Variants in ARHGAP39 observed in about 807,000 individuals in gnomAD.
The protein encoded by ARHGAP39 is Rho GTPase activating protein 39.
ARHGAP39 carries 44 observed loss-of-function variants against 106.9 expected under a neutral mutation model. The observed-to-expected ratio is 0.41, with a 90% CI of 0.32 to 0.53. The LOEUF (loss-of-function observed/expected upper bound fraction) is 0.53. Among genes scored for constraint, ARHGAP39 ranks in the 20% least tolerant of loss-of-function variants. The pLI, the probability that ARHGAP39 is intolerant of heterozygous loss-of-function variation, is 0.21. For missense variants in ARHGAP39, 1,496 were observed against 1,577.3 expected, an observed-to-expected ratio of 0.95 and a Z score of 0.87; for synonymous variants, 768 against 693.2, an observed-to-expected ratio of 1.11 and a Z score of -1.69.
intron 2 of ARHGAP39, among the ~76,000 whole-genome samples, chr8:144,587,733 C>T (rs1250188924): frequency 1.3e-5 from 2 of 151,146 alleles, no homozygotes; most frequent in South Asian, 2.1e-4. Flanking sequence ...CGGCTCGCTG[C>T]GACTTCTGCC....
upstream of ARHGAP39, among the ~76,000 whole-genome samples, chr8:144,688,609 G>A (rs539755515): frequency 3.3e-5 from 5 of 152,268 alleles, no homozygotes; most frequent in South Asian, 4.1e-4. Flanking sequence ...TTAGCCAGGC[G>A]TAGTCAAGAG....
At chr8:144,626,695 C>T (rs981822045) in intron 1 of ARHGAP39, among the ~76,000 whole-genome samples, 3 of 152,250 alleles carry the variant, frequency 2.0e-5, no homozygotes, top group East Asian at 3.8e-4. Flanking sequence ...GACCTCCCCA[C>T]GTACAAGGTG....
At chr8:144,691,151 G>C in the ARHGAP39 span, among the ~76,000 whole-genome samples, 1 of 152,100 alleles carries the variant, frequency 6.6e-6, no homozygotes, top group Non-Finnish European at 1.5e-5. Flanking sequence ...CTTGGCTCAG[G>C]ACACTTCCTC....
intron 4 of ARHGAP39, among the ~76,000 whole-genome samples, chr8:144,555,084 G>A (rs1013453477): frequency 3.9e-5 from 6 of 152,192 alleles, no homozygotes; most frequent in South Asian, 2.1e-4. Flanking sequence ...CGTCCTGCCC[G>A]CCCAGCGTGA....
intron 4 of ARHGAP39, among the ~76,000 whole-genome samples, chr8:144,549,782 C>T (rs555215228): frequency 9.8e-4 from 149 of 152,302 alleles, no homozygotes; most frequent in Non-Finnish European, 1.3e-3. Flanking sequence ...TGTGAGCCAC[C>T]GCGCCCAGCC....
chr8:144,601,618 G>T (rs1227322605), intron 2 of ARHGAP39, among the ~76,000 whole-genome samples: 1 of 144,332 alleles, frequency 6.9e-6, no homozygotes, highest in Non-Finnish European at 1.5e-5. Context: ...ATCTGTGTGT[G>T]CATGGAGGCG....
intron 1 of ARHGAP39, among the ~76,000 whole-genome samples, chr8:144,664,856 G>T (rs1289230666): frequency 6.6e-6 from 1 of 152,156 alleles, no homozygotes; most frequent in Non-Finnish European, 1.5e-5. Context: ...CATGAAAATG[G>T]ACTAATACAG....
At chr8:144,536,682 G>A (rs1479073002) in intron 7 of ARHGAP39, among the ~76,000 whole-genome samples, 3 of 152,170 alleles carry the variant, frequency 2.0e-5, no homozygotes, top group African/African-American at 7.2e-5. Context: ...GGGACCCCTG[G>A]CACAGACCTG....
chr8:144,598,069 G>A (rs909180436), intron 2 of ARHGAP39, among the ~76,000 whole-genome samples: 3 of 152,382 alleles, frequency 2.0e-5, no homozygotes, highest in East Asian at 3.9e-4. Context: ...AGGAGAGTCC[G>A]GCCAGAGTAG....
At chr8:144,677,388 A>G (rs1209318932) in intron 1 of ARHGAP39, among the ~76,000 whole-genome samples, 1 of 152,266 alleles carries the variant, frequency 6.6e-6, no homozygotes, top group African/African-American at 2.4e-5. Context: ...ATAAATGACC[A>G]AAGGAAGTGC....
intron 3 of ARHGAP39, among the ~76,000 whole-genome samples, chr8:144,567,348 C>G (rs899284237): frequency 6.6e-6 from 1 of 152,222 alleles, no homozygotes; most frequent in Non-Finnish European, 1.5e-5. Flanking sequence ...TCTGTTATGC[C>G]CAGACAGGGC....
intron 10 of ARHGAP39, among the ~76,000 whole-genome samples, chr8:144,531,181 C>G (rs1204640349): frequency 6.6e-6 from 1 of 151,084 alleles, no homozygotes; most frequent in Non-Finnish European, 1.5e-5. Context: ...AGCTGAAGGG[C>G]ACAGGGCAGA....
chr8:144,629,038 C>T (rs544773991), intron 1 of ARHGAP39, among the ~76,000 whole-genome samples: 1 of 152,232 alleles, frequency 6.6e-6, no homozygotes, highest in African/African-American at 2.4e-5. Context: ...CTCCCTCCCC[C>T]AAAGGTGTTG....
chr8:144,548,383 C>G lies in ARHGAP39; in HGVS notation c.703G>C (p.Asp235His). ...LAAQGNGYAPDGPPGVRSRRP... is the reference protein window; with the variant it reads ...LAAQGNGYAPHGPPGVRSRRP... ...CGGGAGCGGACCCCAGGTGGGCCGT[C>G]TGGGGCGTAGCCATTGCCCTGGGCG... The change falls in exon 5 of 12, where the codon GAC (aspartate) becomes CAC (histidine). Residue 235 changes from aspartate (D) to histidine (H), a missense_variant. Around this residue, in one of 4 missense-constraint regions of ARHGAP39, gnomAD observed 905 missense variants for 816.4 expected, o/e 1.11. Coordinates refer to ENST00000377307, the MANE Select transcript of ARHGAP39 (RefSeq NM_025251.3). The surrounding 1 kb of genome is among the most constrained non-coding windows in gnomAD (Gnocchi z 7.4). 2 of 1,610,096 alleles carry G rather than the reference C, an allele frequency of 1.2e-6. No individual in the cohort carries two copies. The highest frequency in any genetic ancestry group is 1.7e-6 in the Non-Finnish European group (2 of 1,178,878).
intron 3 of ARHGAP39, among the ~76,000 whole-genome samples, chr8:144,572,301 A>G (rs923254436): frequency 5.3e-5 from 8 of 152,186 alleles, no homozygotes; most frequent in African/African-American, 1.2e-4. Flanking sequence ...GGAACAGAAC[A>G]GAGGCCTCAG....
intron 1 of ARHGAP39, among the ~76,000 whole-genome samples, chr8:144,661,065 C>G (rs1356575005): frequency 6.6e-6 from 1 of 152,176 alleles, no homozygotes; most frequent in African/African-American, 2.4e-5. Flanking sequence ...CACCTGTGCC[C>G]AGGAGATGGA....
At chr8:144,606,268 A>G (rs1002914849) in intron 1 of ARHGAP39, among the ~76,000 whole-genome samples, 1 of 152,202 alleles carries the variant, frequency 6.6e-6, no homozygotes, top group Non-Finnish European at 1.5e-5. Context: ...CATCCTTGAA[A>G]AACACGGGTC....
chr8:144,562,245 C>T (rs1329638341), intron 3 of ARHGAP39, among the ~76,000 whole-genome samples: 8 of 150,744 alleles, frequency 5.3e-5, no homozygotes, highest in African/African-American at 1.2e-4. Context: ...GTTTCCATCA[C>T]ACTCCAGTGG....
At chr8:144,539,164 T>C (rs181138948) in intron 6 of ARHGAP39, among the ~76,000 whole-genome samples, 5 of 152,200 alleles carry the variant, frequency 3.3e-5, no homozygotes, top group African/African-American at 1.2e-4. Flanking sequence ...AGGAAACCAC[T>C]GCTTGCAGGT....
Sources: allele counts gnomAD v4.1 joint callset (sites outside exome capture counted in the v4.1 genomes callset), GRCh38; gene constraint gnomAD v4.1.1; regional missense constraint gnomAD v4.1.1; non-coding constraint Gnocchi (gnomAD v3.1); transcripts MANE v1.5; gene names NCBI Gene and HGNC (gene_info 2026-07-23, HGNC 2026-07-21).